Variants in MINDY3 observed in about 807,000 individuals in gnomAD.
MINDY3 encodes the protein ubiquitin carboxyl-terminal hydrolase MINDY-3.
Under a neutral mutation model 69.2 loss-of-function variants are expected in MINDY3, and 38 were observed. That is an observed-to-expected ratio of 0.55 (90% CI 0.42 to 0.72). MINDY3 has a LOEUF of 0.72. MINDY3 is among the 30% of genes least tolerant of loss of function. MINDY3 has a pLI of 0.00. For synonymous variants in MINDY3, 192 were observed against 180.1 expected (o/e 1.07, Z -0.53); for missense variants, 522 against 519.0 (o/e 1.01, Z -0.06).
At chr10:15,846,529 T>A (rs943952240) in intron 2 of MINDY3, among the ~76,000 whole-genome samples, 2 of 152,044 alleles carry the variant, frequency 1.3e-5, no homozygotes, top group Non-Finnish European at 2.9e-5. Context: ...TTTTTCCTCA[T>A]TTTAAAAAAA....
At chr10:15,781,624 A>G (rs908100456) in intron 14 of MINDY3, among the ~76,000 whole-genome samples, 2 of 152,048 alleles carry the variant, frequency 1.3e-5, no homozygotes, top group African/African-American at 4.8e-5. Context: ...AGCTGGACTA[A>G]GTTTCACTCC....
In MINDY3 at chr10:15,834,597, T is replaced by A; in HGVS notation, c.596A>T (p.Asn199Ile). The A allele has an allele frequency of 3.7e-6, 6 of 1,610,492 alleles. No homozygotes were observed. The highest frequency in any genetic ancestry group is 5.1e-6 in the Non-Finnish European group (6 of 1,177,508). ...LLTKGIENIK[N>I]EIEDASEPLI... Reference sequence around the variant, plus strand: ...GGGTTCACTTGCATCTTCAATTTCGTTTTTTATGTTTTCAATGCCCTAAAG... The same window carrying A: ...GGGTTCACTTGCATCTTCAATTTCGATTTTTATGTTTTCAATGCCCTAAAG... Residue 199 changes from asparagine to isoleucine, a missense_variant, in exon 7 of 15, where the codon AAC (asparagine) becomes ATC (isoleucine). Physicochemically the swap from Asn to Ile is moderately radical, Grantham distance 149 (BLOSUM62 -3). Transcript: ENST00000277632.
chr10:15,824,417 C>A (rs114958536), intron 8 of MINDY3, among the ~76,000 whole-genome samples: 2,349 of 152,102 alleles, frequency 0.015, 49 homozygotes, highest in African/African-American at 0.051. Flanking sequence ...TGAATTAATA[C>A]GTATTTAAAA....
chr10:15,802,141 T>G (rs1481233746), intron 10 of MINDY3, among the ~76,000 whole-genome samples: 1 of 152,000 alleles, frequency 6.6e-6, no homozygotes, highest in African/African-American at 2.4e-5. Context: ...TACTAGTAGT[T>G]AAATTTTTGA....
At chr10:15,821,223 A>C (rs1176690680) in intron 9 of MINDY3, among the ~76,000 whole-genome samples, 1 of 152,164 alleles carries the variant, frequency 6.6e-6, no homozygotes, top group Non-Finnish European at 1.5e-5. Flanking sequence ...TTTCAGATGG[A>C]ATAGATAAAA....
chr10:15,780,768 G>A (rs1466021015), intron 14 of MINDY3, among the ~76,000 whole-genome samples: 1 of 152,058 alleles, frequency 6.6e-6, no homozygotes. Flanking sequence ...CATCCTATTT[G>A]TTTTCTAATC....
At chr10:15,856,550 T>A (rs2132156065) in intron 1 of MINDY3, among the ~76,000 whole-genome samples, 1 of 151,720 alleles carries the variant, frequency 6.6e-6, no homozygotes, top group Admixed American at 6.6e-5. Context: ...GCTATAAGAG[T>A]TTACACTCTC....
At position 15,847,842 on chromosome 10, in the gene MINDY3, T is replaced by C. The variant is rs200326350; in HGVS notation, c.174+22A>G. Reference sequence around the variant, plus strand: ...CGTTTCAAAATGTCCCTCTAAGGAGTTGGTAAAGGAGTCTATGTTACCTGA... The same window carrying C: ...CGTTTCAAAATGTCCCTCTAAGGAGCTGGTAAAGGAGTCTATGTTACCTGA... On this transcript the variant is annotated intron_variant, in intron 2 of 14. Transcript: ENST00000277632. The C allele has an allele frequency of 2.2e-4, 341 of 1,581,056 alleles. 1 individual carries two copies. Among genetic ancestry groups the C allele is most frequent in the East Asian group, 3.4e-4 (15 of 44,702 alleles).
chr10:15,836,728 A>G (rs1033646731), intron 6 of MINDY3, among the ~76,000 whole-genome samples: 3 of 151,768 alleles, frequency 2.0e-5, no homozygotes, highest in African/African-American at 7.3e-5. Context: ...TTTCTGGACT[A>G]TAAAAATTTA....
chr10:15,816,292 A>T (rs1839365431), intron 10 of MINDY3, among the ~76,000 whole-genome samples: 1 of 151,540 alleles, frequency 6.6e-6, no homozygotes, highest in African/African-American at 2.4e-5. Flanking sequence ...GAAAAAGAAA[A>T]AAAATAAAAA....
rs369821482 is a variant in MINDY3 at position 15,782,301 on chromosome 10, A to C, written c.1117-75T>G. 305 of 1,009,350 alleles carry C rather than the reference A, an allele frequency of 3.0e-4. 1 individual carries two copies. The African/African-American group carries it at 4.7e-3, about 15-fold the overall frequency. The allele number at this position is 1,009,350 out of a possible 1,614,324, so 62.5% of individuals were successfully genotyped here. The stretch of plus-strand genomic sequence containing the variant: ...CAATTTCTAATCAACTGAAAGTAAA[A>C]TGCATGTTTCTCAAATCCTTATCCT... On this transcript the variant is annotated intron_variant, in intron 13 of 14. Transcript: ENST00000277632.
In MINDY3 at chr10:15,832,345, GGAA is replaced by G. The variant is rs536946086; in HGVS notation, c.730+1282_730+1284del. Among the ~76,000 whole-genome samples, 28 of 152,136 alleles carry G rather than the reference GGAA, an allele frequency of 1.8e-4. No homozygotes were observed. The East Asian group carries it at 4.3e-3, about 23-fold the overall frequency. On this transcript the variant is annotated intron_variant, in intron 8 of 14. Coordinates refer to ENST00000277632, the MANE Select transcript of MINDY3 (RefSeq NM_024948.4). The stretch of plus-strand genomic sequence containing the variant: ...GATACCTGGGGGTCCAGAAACAACT[GGAA>G]GAAGAAGAAAGACGGGAGTGTACAG...
At chr10:15,831,673 CTTTTTTT>C (rs10716234) in intron 8 of MINDY3, among the ~76,000 whole-genome samples, 11 of 121,382 alleles carry the variant, frequency 9.1e-5, no homozygotes, top group Non-Finnish European at 1.7e-4. Flanking sequence ...GCCTCCTTTT[CTTTTTTT>C]TTTTTTTTTT....
chr10:15,818,208 C>A (rs2131986461), intron 9 of MINDY3, among the ~76,000 whole-genome samples: 1 of 152,144 alleles, frequency 6.6e-6, no homozygotes, highest in African/African-American at 2.4e-5. Flanking sequence ...TTTCTGACTT[C>A]TATCTACTCT....
chr10:15,829,287 C>T (rs189786123), intron 8 of MINDY3, among the ~76,000 whole-genome samples: 3 of 152,182 alleles, frequency 2.0e-5, no homozygotes, highest in South Asian at 2.1e-4. Context: ...TTGTTTTTAA[C>T]GACCGGGAGG....
intron 2 of MINDY3, among the ~76,000 whole-genome samples, chr10:15,847,503 G>A (rs150296277): frequency 5.9e-5 from 9 of 152,168 alleles, no homozygotes; most frequent in Admixed American, 3.3e-4. Context: ...AACTTTTACA[G>A]ACTGAAATAA....
In MINDY3 at chr10:15,789,322, A is replaced by AG. The variant is rs777424898; in HGVS notation, c.956-4dup. ...TGAATCGGGTATGAATCCATTATCT[A>AG]GGGGGGAAAAAATCAGAAACAACTT... On this transcript the variant is annotated splice_region_variant and splice_polypyrimidine_tract_variant and intron_variant, in intron 11 of 14. Transcript: ENST00000277632. The AG allele has an allele frequency of 1.2e-6, 2 of 1,608,094 alleles. No homozygotes were observed. The highest frequency in any genetic ancestry group is 1.1e-5 in the South Asian group (1 of 90,786).
Position 15,857,383 on chromosome 10 carries a change from T to A in MINDY3, c.94+2823A>T, listed in dbSNP as rs575905858. ...TATTTCCTCATCTTCAAACTATTTA[T>A]TGTACATGTGTAATTTATGCTACGT... On this transcript the variant is annotated intron_variant, in intron 1 of 14. Transcript: ENST00000277632. 1.3e-4 allele frequency among the ~76,000 whole-genome samples: 20 copies of A among 152,290 alleles called. No homozygotes were observed. The East Asian group carries it at 3.9e-3, about 29-fold the overall frequency.
intron 10 of MINDY3, among the ~76,000 whole-genome samples, chr10:15,807,330 G>C (rs1838703748): frequency 6.6e-6 from 1 of 152,172 alleles, no homozygotes. Context: ...AAGAACAGGA[G>C]CAACAAGAGA....
Sources: gnomAD v4.1 joint callset for allele counts (sites outside exome capture counted in the v4.1 genomes callset) on GRCh38, gnomAD v4.1.1 for gene constraint, MANE v1.5 for transcripts, NCBI Gene and HGNC (gene_info 2026-07-23, HGNC 2026-07-21) for gene names.